The following WASHC2A variants were observed in gnomAD, a reference collection of about 807,000 sequenced individuals.
WASHC2A encodes the protein WASH complex subunit 2A, also known as WASH complex subunit FAM21A.
Under a neutral mutation model 140.3 loss-of-function variants are expected in WASHC2A, and 82 were observed. The ratio of observed to expected loss-of-function variants is 0.58; its 90% confidence interval spans 0.49 to 0.70. WASHC2A has a LOEUF of 0.70. Among genes scored for constraint, WASHC2A ranks in the 30% least tolerant of loss-of-function variants. The pLI, the probability that WASHC2A is intolerant of heterozygous loss-of-function variation, is 0.00. For missense variants in WASHC2A, 985 were observed against 1,521.8 expected, an observed-to-expected ratio of 0.65 and a Z score of 5.87; for synonymous variants, 340 against 560.8, an observed-to-expected ratio of 0.61 and a Z score of 5.56.
intron 8 of WASHC2A, among the ~76,000 whole-genome samples, chr10:50,089,907 C>T (rs1307341650): frequency 3.4e-4 from 51 of 152,050 alleles, no homozygotes; most frequent in African/African-American, 1.1e-3. Flanking sequence ...GTCAGGAGTT[C>T]GAGACCAGCC....
chr10:50,131,298 A>G (rs1303081641), intron 30 of WASHC2A: 8 of 748,376 alleles, frequency 1.1e-5, no homozygotes, highest in Non-Finnish European at 1.4e-5. Flanking sequence ...GAAGGCACCC[A>G]GAGTTTGACG....
intron 19 of WASHC2A, among the ~76,000 whole-genome samples, chr10:50,109,795 A>T (rs1589249268): frequency 6.6e-6 from 1 of 152,148 alleles, no homozygotes; most frequent in African/African-American, 2.4e-5. Context: ...TTTGAGACAG[A>T]GTCTCGCTCT....
At chr10:50,109,266 T>A (rs575515423) in intron 19 of WASHC2A, among the ~76,000 whole-genome samples, 4,105 of 152,268 alleles carry the variant, frequency 0.027, 167 homozygotes, top group African/African-American at 0.091. Context: ...CATAGTCGAG[T>A]AGAATTTCCT....
intron 7 of WASHC2A, among the ~76,000 whole-genome samples, chr10:50,086,721 T>TTA (rs1318134578): frequency 3.1e-5 from 4 of 128,726 alleles, no homozygotes; most frequent in Non-Finnish European, 5.0e-5. Context: ...TTGCGATAGT[T>TTA]TACTGAGAAT....
intron 19 of WASHC2A, 112 bp downstream of exon 19, chr10:50,106,577 A>T: frequency 6.7e-7 from 1 of 1,492,084 alleles, no homozygotes; most frequent in Non-Finnish European, 9.1e-7. Flanking sequence ...TCAGTCACCA[A>T]AGGCGATGTT....
chr10:50,125,435 A>C lies in WASHC2A; in HGVS notation c.2674A>C (p.Lys892Gln). ...AGATGATGATCTTTTCAGCTCTGCC[A>C]AGTCCCAGCCTTTGGTACCAGCCTT... ...DEDDDLFSSAKSQPLVQEKKR... is the reference protein window; with the variant it reads ...DEDDDLFSSAQSQPLVQEKKR... Residue 892 changes from lysine to glutamine, a missense_variant, in exon 25 of 31, where the codon AAG (lysine) becomes CAG (glutamine). Lys to Gln is a moderately conservative substitution (Grantham distance 53). Coordinates refer to ENST00000282633, the MANE Select transcript of WASHC2A (RefSeq NM_001005751.3). The C allele has an allele frequency of 6.2e-7, 1 of 1,609,454 alleles. No homozygotes were observed. Among genetic ancestry groups the C allele is most frequent in the Non-Finnish European group, 8.5e-7 (1 of 1,178,246 alleles).
rs782576347 is a variant in WASHC2A, at chr10:50,099,982, C to T, written c.1553C>T (p.Thr518Ile). The T allele has an allele frequency of 1.2e-3, 1,799 of 1,448,940 alleles. 86 individuals carry two copies. In the South Asian group the frequency reaches 0.02, roughly 16 times the overall value. The allele number at this position is 1,448,940 out of a possible 1,614,324, so 89.8% of individuals were successfully genotyped here. A position where few individuals can be genotyped will look rare whatever the true frequency, so the allele number is the denominator to read the frequency against. The change falls in exon 17 of 31, where the codon ACC (threonine) becomes ATC (isoleucine). Residue 518 changes from threonine to isoleucine, a missense_variant. By Grantham distance (89) the Thr-to-Ile change is moderately conservative. Coordinates refer to ENST00000282633, the MANE Select transcript of WASHC2A (RefSeq NM_001005751.3). Reference sequence around the variant, plus strand: ...CCCCCCCCACCCCCGACAAAGGTTACCTTATCTTCCAGCAAAAATCTCAAG... The same window carrying T: ...CCCCCCCCACCCCCGACAAAGGTTATCTTATCTTCCAGCAAAAATCTCAAG... ...ENKARAEKKV[T>I]LSSSKNLKPS...
rs541040555 is a variant in WASHC2A, at chr10:50,086,449, AT to A, written c.685-818del. ...GCCTAATGAAGTAGTTATTTTTATT[AT>A]TTTTTTTATTATACTTTAAGTTTTA... On this transcript the variant is annotated intron_variant, in intron 7 of 30. Transcript: ENST00000282633. Among the ~76,000 whole-genome samples, 1,406 of 151,902 alleles carry A rather than the reference AT, an allele frequency of 9.3e-3. 10 individuals are homozygous for A. The highest frequency in any genetic ancestry group is 0.014 in the Non-Finnish European group (952 of 67,962).
chr10:50,116,485 G>GT (rs1842689050), intron 21 of WASHC2A, among the ~76,000 whole-genome samples: 1 of 136,558 alleles, frequency 7.3e-6, no homozygotes, highest in Admixed American at 7.5e-5. Flanking sequence ...CTAATTTTTT[G>GT]TATTTCTTTA....
In WASHC2A at chr10:50,069,650, G is replaced by A. The variant is rs781792660; in HGVS notation, c.230G>A (p.Cys77Tyr). Residue 77 changes from cysteine (C) to tyrosine (Y), a missense_variant, in exon 3 of 31, where the codon TGT becomes TAT. Coordinates refer to ENST00000282633, the MANE Select transcript of WASHC2A (RefSeq NM_001005751.3). ...GLIRETKATD[C>Y]RLHNVFNDFL... ...ATTCGGGAAACCAAAGCCACAGATT[G>A]TCGCCTGCATAATGTCTTCAATGAC... 3 of 1,613,982 alleles carry A rather than the reference G, an allele frequency of 1.9e-6. No individual in the cohort carries two copies. The highest frequency in any genetic ancestry group is 2.2e-5 in the East Asian group (1 of 44,878).
At position 50,103,695 on chromosome 10, in the gene WASHC2A, G is replaced by A. The variant is rs879106009; in HGVS notation, c.1636-347G>A. ...CTGTCTAATCTTTGATTCTTTAGAC[G>A]GTAATGGGAAGCCATGCTTATATAT... On this transcript the variant is annotated intron_variant, in intron 17 of 30. Coordinates refer to ENST00000282633, the MANE Select transcript of WASHC2A (RefSeq NM_001005751.3). Among the ~76,000 whole-genome samples, 9 of 151,826 alleles carry A rather than the reference G, an allele frequency of 5.9e-5. No homozygotes were observed. The South Asian group carries it at 6.3e-4, about 11-fold the overall frequency.
chr10:50,079,507 C>T (rs1657296056), intron 4 of WASHC2A, among the ~76,000 whole-genome samples: 5 of 152,220 alleles, frequency 3.3e-5, no homozygotes, highest in Non-Finnish European at 2.9e-5. Flanking sequence ...AGTGATTCTC[C>T]TGGCTCAGCT....
rs1207250811 is a variant in WASHC2A at position 50,129,907 on chromosome 10, A to T, written c.3576A>T (p.Pro1192=). ...DDLFQSAKPK[P]AKKTNPFPLL... is the part of the protein sequence containing the mutation. Reference sequence around the variant, plus strand: ...TCTTTCAGTCTGCTAAACCAAAACCAGCAAAGAAAACAAATCCCTTTCCTC... The same window carrying T: ...TCTTTCAGTCTGCTAAACCAAAACCTGCAAAGAAAACAAATCCCTTTCCTC... Residue 1192 remains proline, a synonymous_variant, in exon 29 of 31, where the codon CCA becomes CCT. Coordinates refer to ENST00000282633, the MANE Select transcript of WASHC2A (RefSeq NM_001005751.3). 14 of 1,612,062 alleles carry T rather than the reference A, an allele frequency of 8.7e-6. No individual in the cohort carries two copies. The highest frequency in any genetic ancestry group is 1.1e-5 in the Non-Finnish European group (13 of 1,179,870).
intron 30 of WASHC2A, 101 bp downstream of exon 30, chr10:50,131,179 C>A: frequency 6.6e-7 from 1 of 1,508,462 alleles, no homozygotes; most frequent in East Asian, 2.3e-5. Context: ...GAAAATGCAC[C>A]CCAGCGGGTT....
rs1554879535 is a variant in WASHC2A, at chr10:50,080,802, C to G, written c.399C>G (p.Val133=). 1 of 501,140 alleles carries G rather than the reference C, an allele frequency of 2.0e-6. No individual in the cohort carries two copies. Among genetic ancestry groups the G allele is most frequent in the Non-Finnish European group, 3.3e-6 (1 of 299,974 alleles). The allele number at this position is 501,140 out of a possible 1,614,324, so 31.0% of individuals were successfully genotyped here. The stretch of plus-strand genomic sequence containing the variant: ...AAGAAGTAGATCTCATTCCTAAAGT[C>G]CAGGAGGCTGTGAACTATGGCTTAC... ...EQKEVDLIPK[V]QEAVNYGLQV... Residue 133 remains valine, a synonymous_variant, in exon 5 of 31, where the codon GTC becomes GTG. Transcript: ENST00000282633.
At chr10:50,105,553 G>T (rs1465730119) in intron 18 of WASHC2A, among the ~76,000 whole-genome samples, 1 of 131,442 alleles carries the variant, frequency 7.6e-6, no homozygotes, top group Non-Finnish European at 1.6e-5. Context: ...CTACATTACC[G>T]CACTCTCCTT....
In WASHC2A at chr10:50,091,513, C is replaced by A; in HGVS notation, c.926C>A (p.Pro309Gln). The A allele has an allele frequency of 6.5e-7, 1 of 1,549,768 alleles. No individual in the cohort carries two copies. Among genetic ancestry groups the A allele is most frequent in the Non-Finnish European group, 8.7e-7 (1 of 1,146,884 alleles). Residue 309 changes from proline to glutamine, a missense_variant, in exon 10 of 31, where the codon CCG becomes CAG. Physicochemically the swap from Pro to Gln is moderately conservative, Grantham distance 76. Transcript: ENST00000282633. ...GCCGTGGGTCGAGTGGACGAGGAGC[C>A]GACAAGTGAGCCCCAGCCGCGTTGA... is the stretch of plus-strand genomic sequence containing the variant. ...GDAVGRVDEEPTTLPSGEAKP... is the reference protein window; with the variant it reads ...GDAVGRVDEEQTTLPSGEAKP...
At chr10:50,099,341 C>T (rs1375915837) in intron 16 of WASHC2A, among the ~76,000 whole-genome samples, 1 of 150,620 alleles carries the variant, frequency 6.6e-6, no homozygotes, top group Non-Finnish European at 1.5e-5. Context: ...ACAATCACAG[C>T]TCACTGCAGC....
chr10:50,116,809 TC>T (rs1436538078), intron 21 of WASHC2A, among the ~76,000 whole-genome samples: 1 of 148,404 alleles, frequency 6.7e-6, no homozygotes, highest in Admixed American at 6.8e-5. Flanking sequence ...CTTTCTTCAT[TC>T]ATCACATTTT....
Sources: gnomAD v4.1 joint callset for allele counts (sites outside exome capture counted in the v4.1 genomes callset) on GRCh38, gnomAD v4.1.1 for gene constraint, MANE v1.5 for transcripts, NCBI Gene and HGNC (gene_info 2026-07-23, HGNC 2026-07-21) for gene names.